CCSER1: variants seen among roughly 807,000 people sequenced by gnomAD.
CCSER1 encodes the protein coiled-coil serine rich protein 1, also known as serine-rich coiled-coil domain-containing protein 1.
Under a neutral mutation model 82.0 loss-of-function variants are expected in CCSER1, and 41 were observed. The observed-to-expected ratio is 0.50, with a 90% CI of 0.39 to 0.65. The LOEUF (loss-of-function observed/expected upper bound fraction) is 0.65, where lower values mean the gene tolerates loss of function less well. CCSER1 is among the 30% of genes least tolerant of loss of function. CCSER1 has a pLI of 0.00. For missense variants in CCSER1, 1,119 were observed against 1,064.2 expected (o/e 1.05, Z -0.72); for synonymous variants, 414 against 383.9 (o/e 1.08, Z -0.92).
intron 10 of CCSER1, among the ~76,000 whole-genome samples, chr4:91,429,515 ATTTAT>A (rs1163062518): frequency 6.6e-6 from 1 of 151,966 alleles, no homozygotes; most frequent in Non-Finnish European, 1.5e-5. Flanking sequence ...TAAATATACT[ATTTAT>A]TTAGATCAAT....
intron 1 of CCSER1, among the ~76,000 whole-genome samples, chr4:90,181,679 T>C (rs1733754757): frequency 6.6e-6 from 1 of 152,148 alleles, no homozygotes; most frequent in Non-Finnish European, 1.5e-5. Context: ...AAAGAACAAC[T>C]TTTTGATTAA....
chr4:90,304,852 G>A (rs1227993146), intron 1 of CCSER1, among the ~76,000 whole-genome samples: 1 of 151,742 alleles, frequency 6.6e-6, no homozygotes, highest in Non-Finnish European at 1.5e-5. Flanking sequence ...CTCATTAGTT[G>A]AATCCTTTGA....
chr4:90,154,504 C>T (rs35742460), intron 1 of CCSER1, among the ~76,000 whole-genome samples: 42,468 of 149,632 alleles, frequency 0.28, 7,036 homozygotes, highest in Non-Finnish European at 0.4. Context: ...ATTCTTCCTA[C>T]CCATGAGCAT....
chr4:90,725,587 G>A (rs991756183), intron 7 of CCSER1, among the ~76,000 whole-genome samples: 3 of 151,314 alleles, frequency 2.0e-5, no homozygotes, highest in Non-Finnish European at 4.4e-5. Flanking sequence ...GTGTTTATAA[G>A]TATCTAAACT....
chr4:91,355,874 G>C (rs1425162890), intron 10 of CCSER1, among the ~76,000 whole-genome samples: 1 of 152,208 alleles, frequency 6.6e-6, no homozygotes, highest in Non-Finnish European at 1.5e-5. Context: ...CACAGTTAAT[G>C]TTTCACTGGG....
chr4:91,220,647 G>A (rs1018872004), intron 10 of CCSER1, among the ~76,000 whole-genome samples: 6 of 152,200 alleles, frequency 3.9e-5, no homozygotes, highest in African/African-American at 1.4e-4. Flanking sequence ...CGGTAGCAGT[G>A]TCTTTCTCTT....
chr4:90,921,558 A>G (rs1728383269), intron 8 of CCSER1, among the ~76,000 whole-genome samples: 1 of 151,910 alleles, frequency 6.6e-6, no homozygotes, highest in Non-Finnish European at 1.5e-5. Flanking sequence ...TGGTTAATAA[A>G]GTTGTTTGGA....
Position 90,217,573 on chromosome 4 carries a change from G to T in CCSER1, c.-42+89742G>T, listed in dbSNP as rs1480441637. Among the ~76,000 whole-genome samples the T allele has an allele frequency of 7.9e-5, 12 of 152,192 alleles. 2 individuals are homozygous for T. Among genetic ancestry groups the T allele is most frequent in the Admixed American group, 5.9e-4 (9 of 15,274 alleles). ...GGCTGACTTCTTCTTCTCCTATTTGGATGCCTTTTATTTCCTTCTCTTGCC... is the reference window on the plus strand; with the variant it reads ...GGCTGACTTCTTCTTCTCCTATTTGTATGCCTTTTATTTCCTTCTCTTGCC... On this transcript the variant is annotated intron_variant, in intron 1 of 10. Coordinates refer to ENST00000509176, the MANE Select transcript of CCSER1 (RefSeq NM_001145065.2).
At chr4:90,987,794 T>C (rs2150438357) in intron 9 of CCSER1, among the ~76,000 whole-genome samples, 1 of 151,842 alleles carries the variant, frequency 6.6e-6, no homozygotes, top group Non-Finnish European at 1.5e-5. Context: ...CTACTGTTCA[T>C]TGTACCCAGA....
intron 7 of CCSER1, among the ~76,000 whole-genome samples, chr4:90,743,006 C>A (rs1451575182): frequency 6.6e-6 from 1 of 151,952 alleles, no homozygotes; most frequent in Non-Finnish European, 1.5e-5. Context: ...AGTAATTTGG[C>A]AGATATTCTA....
chr4:91,317,877 T>G (rs567924361), intron 10 of CCSER1, among the ~76,000 whole-genome samples: 4 of 151,700 alleles, frequency 2.6e-5, no homozygotes, highest in Non-Finnish European at 5.9e-5. Context: ...AAAGGTAGAG[T>G]GAAAGCTGCT....
intron 7 of CCSER1, among the ~76,000 whole-genome samples, chr4:90,780,105 A>G (rs1753543576): frequency 6.6e-6 from 1 of 152,184 alleles, no homozygotes; most frequent in Non-Finnish European, 1.5e-5. Context: ...ATTTACTGTC[A>G]AAAGAACCCT....
intron 10 of CCSER1, among the ~76,000 whole-genome samples, chr4:91,433,396 T>C (rs1754446533): frequency 1.3e-5 from 2 of 152,158 alleles, no homozygotes; most frequent in South Asian, 4.1e-4. Flanking sequence ...TACAGTAGTG[T>C]ACAGTAATTT....
intron 3 of CCSER1, among the ~76,000 whole-genome samples, chr4:90,371,671 G>A (rs531962218): frequency 6.6e-6 from 1 of 152,194 alleles, no homozygotes; most frequent in South Asian, 2.1e-4. Context: ...CCATCATTTA[G>A]TTCAATTTGT....
At chr4:91,323,710 AACTCATTATGGTC>A (rs1393261719) in intron 10 of CCSER1, among the ~76,000 whole-genome samples, 2 of 152,176 alleles carry the variant, frequency 1.3e-5, no homozygotes, top group African/African-American at 4.8e-5. Flanking sequence ...TTTTGTCAGA[AACTCATTATGGTC>A]AGTTTAACAT....
At chr4:91,579,099 A>G (rs916746510) in intron 10 of CCSER1, among the ~76,000 whole-genome samples, 7 of 151,242 alleles carry the variant, frequency 4.6e-5, no homozygotes, top group Non-Finnish European at 8.9e-5. Context: ...TCCTTGCATC[A>G]TCCTTTACTA....
intron 8 of CCSER1, among the ~76,000 whole-genome samples, chr4:90,895,637 C>T (rs1723597735): frequency 6.6e-6 from 1 of 151,718 alleles, no homozygotes; most frequent in African/African-American, 2.4e-5. Context: ...GATCAAGGTC[C>T]CTAGCCCAGT....
chr4:90,783,896 C>T (rs903385400), intron 7 of CCSER1, among the ~76,000 whole-genome samples: 1 of 152,062 alleles, frequency 6.6e-6, no homozygotes, highest in Non-Finnish European at 1.5e-5. Flanking sequence ...AACTTTTTAA[C>T]ACCACATCAA....
intron 10 of CCSER1, among the ~76,000 whole-genome samples, chr4:91,171,321 CTAAT>C (rs769139472): frequency 1.1e-4 from 16 of 152,258 alleles, no homozygotes; most frequent in Admixed American, 2.6e-4. Context: ...ACAAATTCAA[CTAAT>C]TGTTTGTTAT....
Sources: allele counts gnomAD v4.1 joint callset (sites outside exome capture counted in the v4.1 genomes callset), GRCh38; gene constraint gnomAD v4.1.1; transcripts MANE v1.5; gene names NCBI Gene and HGNC (gene_info 2026-07-23, HGNC 2026-07-21).